The following TRMT2B variants were observed in gnomAD, a reference collection of about 807,000 sequenced individuals.
The protein encoded by TRMT2B is tRNA (uracil-5-)-methyltransferase homolog B.
A neutral mutation model predicts 39.7 loss-of-function variants in TRMT2B; 34 were observed. That is an observed-to-expected ratio of 0.86 (90% confidence interval 0.65 to 1.14). TRMT2B has a LOEUF of 1.14. TRMT2B is among the 50% of genes most tolerant of loss of function. TRMT2B has a pLI of 0.00. For missense variants in TRMT2B, 318 were observed against 377.2 expected (o/e 0.84, Z 1.30); for synonymous variants, 132 against 137.3 (o/e 0.96, Z 0.27).
chrX:100,998,458 G>A, the TRMT2B span, among the ~76,000 whole-genome samples: 1 of 105,741 alleles, frequency 9.5e-6, no homozygotes, highest in East Asian at 3.0e-4. Flanking sequence ...GGGAGACTGA[G>A]GCAGAAGAAT....
At chrX:101,029,358 T>G (rs2087311059) in intron 7 of TRMT2B, among the ~76,000 whole-genome samples, 1 of 111,158 alleles carries the variant, frequency 9.0e-6, no homozygotes, top group African/African-American at 3.3e-5. Flanking sequence ...ATCTTTCATT[T>G]CATTTCATTC....
At chrX:101,043,275 A>AT (rs970283041) in intron 2 of TRMT2B, among the ~76,000 whole-genome samples, 17 of 109,988 alleles carry the variant, frequency 1.5e-4, no homozygotes, top group African/African-American at 3.3e-4. Context: ...CTCAAAAAAA[A>AT]AAATAAATAA....
the TRMT2B span, among the ~76,000 whole-genome samples, chrX:100,989,088 A>T: frequency 9.1e-6 from 1 of 110,143 alleles, no homozygotes; most frequent in Non-Finnish European, 1.9e-5. Context: ...GCCATGGAAT[A>T]CTATGCATAC....
chrX:101,008,388 G>A (rs1368766719), downstream of TRMT2B, among the ~76,000 whole-genome samples: 5 of 111,749 alleles, frequency 4.5e-5, no homozygotes, highest in African/African-American at 1.6e-4. Context: ...TTCGGAGGCC[G>A]AGGCAGGTGG....
chrX:101,022,214 C>A, intron 8 of TRMT2B, 152 bp from the exon 9 acceptor site: 1 of 442,723 alleles, frequency 2.3e-6, no homozygotes, highest in Non-Finnish European at 4.0e-6. Context: ...GCAGGCCAGA[C>A]ATGATAGTTC....
At chrX:100,998,274 A>AAAG in the TRMT2B span, among the ~76,000 whole-genome samples, 4 of 108,613 alleles carry the variant, frequency 3.7e-5, no homozygotes, top group African/African-American at 1.3e-4. Context: ...AAAAAAAAAA[A>AAAG]AAGAAGAAAA....
At chrX:101,005,479 T>C (rs2086093393), downstream of TRMT2B, among the ~76,000 whole-genome samples, 2 of 110,599 alleles carry the variant, frequency 1.8e-5, no homozygotes, top group Non-Finnish European at 3.8e-5. Flanking sequence ...TTGGGGACAG[T>C]TGGGGAAATT....
At chrX:101,010,736 C>A in intron 13 of TRMT2B, 29 bp from the exon 14 acceptor site, 1 of 1,194,291 alleles carries the variant, frequency 8.4e-7, no homozygotes, top group Non-Finnish European at 1.1e-6. Context: ...GCATCAGTTC[C>A]CAGGAATAAA....
At chrX:101,012,654 A>G (rs2147994291) in intron 13 of TRMT2B, among the ~76,000 whole-genome samples, 1 of 109,990 alleles carries the variant, frequency 9.1e-6, no homozygotes, top group African/African-American at 3.3e-5. Flanking sequence ...ACGTATGTTT[A>G]TTGCGGCATT....
chrX:101,000,731 G>A, the TRMT2B span, among the ~76,000 whole-genome samples: 1 of 110,573 alleles, frequency 9.0e-6, no homozygotes, highest in African/African-American at 3.3e-5. Flanking sequence ...CCAAACACCA[G>A]GCTTAGAGAC....
At chrX:100,984,987 T>C in the TRMT2B span, among the ~76,000 whole-genome samples, 1 of 112,595 alleles carries the variant, frequency 8.9e-6, no homozygotes, top group African/African-American at 3.2e-5. Flanking sequence ...CCATAGAATT[T>C]ACAACACTGT....
chrX:100,976,866 G>A, the TRMT2B span, among the ~76,000 whole-genome samples: 4 of 112,609 alleles, frequency 3.6e-5, no homozygotes, highest in Non-Finnish European at 7.5e-5. Flanking sequence ...CCAAAGTGGT[G>A]GGATTACAGG....
intron 7 of TRMT2B, among the ~76,000 whole-genome samples, chrX:101,024,755 G>A (rs1397293288): frequency 1.8e-5 from 2 of 110,487 alleles, no homozygotes; most frequent in Admixed American, 1.9e-4. Flanking sequence ...CCCAGGAGGC[G>A]GGTTGCAGTG....
chrX:101,023,515 C>T lies in TRMT2B; in HGVS notation c.711G>A (p.Gly237=). 4 of 1,209,777 alleles carry T rather than the reference C, an allele frequency of 3.3e-6. No individual in the cohort carries two copies. The highest frequency in any genetic ancestry group is 4.5e-6 in the Non-Finnish European group (4 of 893,867). Residue 237 remains glycine, a synonymous_variant, in exon 8 of 14, where the codon GGG becomes GGA. Transcript: ENST00000372936. ...RELTVRTNSQ[G]HTMAIITFHP... ...GGAAAGTGATGATAGCCATTGTGTG[C>T]CCTTGGCTATTGGTGCGGACTGTGA...
intron 4 of TRMT2B, among the ~76,000 whole-genome samples, chrX:101,039,722 ACT>A (rs1258675204): frequency 1.8e-5 from 2 of 109,371 alleles, no homozygotes; most frequent in Non-Finnish European, 3.8e-5. Context: ...ACATGGCAAA[ACT>A]CTGTCTCTAC....
At chrX:100,978,908 A>T in the TRMT2B span, among the ~76,000 whole-genome samples, 18 of 108,897 alleles carry the variant, frequency 1.7e-4, no homozygotes, top group African/African-American at 5.0e-4. Flanking sequence ...CTTATAACCC[A>T]TTTTTTTTTA....
At chrX:101,043,499 G>A (rs776689363) in intron 2 of TRMT2B, 3 of 112,772 alleles carry the variant, frequency 2.7e-5, no homozygotes, top group Non-Finnish European at 5.6e-5. Flanking sequence ...GAACCTGGGA[G>A]GCAGAGGTTG....
chrX:101,024,988 G>A (rs1384872999), intron 7 of TRMT2B, among the ~76,000 whole-genome samples: 2 of 107,892 alleles, frequency 1.9e-5, no homozygotes, highest in Non-Finnish European at 1.9e-5. Context: ...CCTGTGTCTC[G>A]GAAAAAAAAA....
the TRMT2B span, among the ~76,000 whole-genome samples, chrX:100,991,644 G>C: frequency 8.9e-6 from 1 of 111,930 alleles, no homozygotes; most frequent in Non-Finnish European, 1.9e-5. Flanking sequence ...AAAGTGCTGG[G>C]ATTACAGGCA....
Sources: gnomAD v4.1 joint callset for allele counts (sites outside exome capture counted in the v4.1 genomes callset) on GRCh38, gnomAD v4.1.1 for gene constraint, MANE v1.5 for transcripts, NCBI Gene and HGNC (gene_info 2026-07-23, HGNC 2026-07-21) for gene names.